The following NDRG3 variants were observed in gnomAD, a reference collection of about 807,000 sequenced individuals.
NDRG3 encodes NDRG family member 3, also known as protein NDRG3.
In NDRG3, 23 loss-of-function variants were observed where a neutral mutation model predicts 57.2. The ratio of observed to expected loss-of-function variants is 0.40; its 90% CI spans 0.29 to 0.57. The LOEUF (loss-of-function observed/expected upper bound fraction) is 0.57, where lower values mean the gene tolerates loss of function less well. Among genes scored for constraint, NDRG3 ranks in the 20% least tolerant of loss-of-function variants. The probability of loss-of-function intolerance (pLI) is 0.42; values close to 1 mark genes in which losing one functional copy is unlikely to be tolerated. For synonymous variants in NDRG3, 132 were observed against 162.6 expected (o/e 0.81, Z 1.43); for missense variants, 384 against 457.3 (o/e 0.84, Z 1.46).
At chr20:36,744,448 T>TGG (rs756780562) in intron 1 of NDRG3, among the ~76,000 whole-genome samples, 14 of 152,102 alleles carry the variant, frequency 9.2e-5, no homozygotes, top group Admixed American at 2.0e-4. Context: ...GCCAGGCATC[T>TGG]GGAGCTGCAA....
At chr20:36,688,154 T>C (rs577281813) in intron 4 of NDRG3, among the ~76,000 whole-genome samples, 1 of 152,368 alleles carries the variant, frequency 6.6e-6, no homozygotes, top group East Asian at 1.9e-4. Flanking sequence ...AACTGTGGCC[T>C]CAAATGCAGG....
At chr20:36,657,345 G>T (rs947973402) in intron 13 of NDRG3, among the ~76,000 whole-genome samples, 2 of 151,974 alleles carry the variant, frequency 1.3e-5, no homozygotes, top group Non-Finnish European at 2.9e-5. Context: ...AAAATTAGCC[G>T]GGCGTGGTGG....
chr20:36,658,583 G>A (rs990175816), intron 13 of NDRG3, among the ~76,000 whole-genome samples: 2 of 152,210 alleles, frequency 1.3e-5, no homozygotes, highest in Admixed American at 6.5e-5. Context: ...AGATGGCAGA[G>A]GTCTTTCAGA....
At chr20:36,668,832 A>T in intron 9 of NDRG3, among the ~76,000 whole-genome samples, 1 of 150,456 alleles carries the variant, frequency 6.6e-6, no homozygotes, top group East Asian at 1.9e-4. Flanking sequence ...TAGCGAGAGA[A>T]ATATATATAT....
At chr20:36,676,096 C>T (rs892961132) in intron 8 of NDRG3, among the ~76,000 whole-genome samples, 3 of 151,608 alleles carry the variant, frequency 2.0e-5, no homozygotes, top group Admixed American at 6.6e-5. Flanking sequence ...AAAAATTAGC[C>T]GGGCTTGGTG....
chr20:36,713,129 T>C (rs1984022802), intron 2 of NDRG3, among the ~76,000 whole-genome samples: 1 of 152,166 alleles, frequency 6.6e-6, no homozygotes, highest in Non-Finnish European at 1.5e-5. Context: ...ATTAATTCCA[T>C]ATTCAGAGAA....
rs141633900 is a variant in NDRG3 at position 36,743,363 on chromosome 20, G to A, written c.-49+2682C>T. Reference sequence around the variant, plus strand: ...ACAAAAAATAGCTGGGCATGGTGGCGGGCGCCTGTAATTCCAGCTACTTGG... The same window carrying A: ...ACAAAAAATAGCTGGGCATGGTGGCAGGCGCCTGTAATTCCAGCTACTTGG... On this transcript the variant is annotated intron_variant, in intron 1 of 15. Coordinates refer to ENST00000349004, the MANE Select transcript of NDRG3 (RefSeq NM_032013.4). Among the ~76,000 whole-genome samples the A allele has an allele frequency of 4.6e-3, 700 of 152,142 alleles. 4 individuals are homozygous for A. The highest frequency in any genetic ancestry group is 0.016 in the African/African-American group (668 of 41,486).
intron 2 of NDRG3, among the ~76,000 whole-genome samples, chr20:36,718,053 C>G (rs1984376582): frequency 6.6e-6 from 1 of 152,226 alleles, no homozygotes; most frequent in Non-Finnish European, 1.5e-5. Context: ...TTCGTTTACT[C>G]ACTGGCAATG....
chr20:36,680,716 C>T (rs1259781210), intron 8 of NDRG3, 100 bp downstream of exon 8: 23 of 819,000 alleles, frequency 2.8e-5, no homozygotes, highest in Non-Finnish European at 4.4e-5. Flanking sequence ...ATATACTTAA[C>T]ATTTTTACCC....
chr20:36,653,497 T>C lies in NDRG3; in HGVS notation c.*23A>G, dbSNP rs769413207. The C allele has an allele frequency of 4.6e-5, 73 of 1,603,390 alleles. No individual in the cohort carries two copies. The highest frequency in any genetic ancestry group is 1.4e-4 in the Admixed American group (8 of 59,238). On this transcript the variant is annotated 3_prime_UTR_variant, in exon 16 of 16. Transcript: ENST00000349004. The surrounding 1 kb of genome is among the most constrained non-coding windows in gnomAD (Gnocchi z 4.2). ...GGTCATTTGAAGGATGGACTTGCAA[T>C]GGTCCAGGGGAGGAGCATCTGCTTA...
At chr20:36,696,130 CT>C (rs1389622183) in intron 3 of NDRG3, among the ~76,000 whole-genome samples, 1 of 152,140 alleles carries the variant, frequency 6.6e-6, no homozygotes, top group Admixed American at 6.6e-5. Context: ...GAGTTTCACT[CT>C]TGTTGCCCAG....
At chr20:36,715,810 G>C (rs1287729598) in intron 2 of NDRG3, among the ~76,000 whole-genome samples, 1 of 151,148 alleles carries the variant, frequency 6.6e-6, no homozygotes, top group Non-Finnish European at 1.5e-5. Flanking sequence ...TAACCTGGAT[G>C]ACAGAGACCC....
At chr20:36,734,670 C>T (rs190516619) in intron 1 of NDRG3, among the ~76,000 whole-genome samples, 129 of 152,106 alleles carry the variant, frequency 8.5e-4, no homozygotes, top group African/African-American at 2.8e-3. Flanking sequence ...ACATTTTAGG[C>T]CAGATGATTT....
intron 9 of NDRG3, 98 bp from the exon 10 acceptor site, chr20:36,666,490 G>A (rs980138065): frequency 2.7e-5 from 22 of 817,522 alleles, no homozygotes; most frequent in Middle Eastern, 2.3e-4. Flanking sequence ...CAAATCGTGC[G>A]GCTCATGATG....
At chr20:36,663,100 A>C (rs1824031911) in intron 12 of NDRG3, among the ~76,000 whole-genome samples, 1 of 152,224 alleles carries the variant, frequency 6.6e-6, no homozygotes, top group South Asian at 2.1e-4. Context: ...ACTGACCTTT[A>C]TAAAGTTGCT....
chr20:36,706,713 G>A (rs1475987400), intron 3 of NDRG3, among the ~76,000 whole-genome samples: 2 of 152,102 alleles, frequency 1.3e-5, no homozygotes, highest in African/African-American at 4.8e-5. Context: ...ATGTTGGCCG[G>A]TATGGTCTCA....
chr20:36,745,372 T>C (rs1428212485), intron 1 of NDRG3, among the ~76,000 whole-genome samples: 1 of 152,056 alleles, frequency 6.6e-6, no homozygotes, highest in East Asian at 1.9e-4. Flanking sequence ...AGATGACAAG[T>C]GATTTCAAAA....
rs149069425 is a variant in NDRG3, at chr20:36,727,143, T to C, written c.-48-5360A>G. Among the ~76,000 whole-genome samples the C allele has an allele frequency of 8.5e-5, 13 of 152,318 alleles. No individual in the cohort carries two copies. In the East Asian group the frequency reaches 2.5e-3, roughly 29 times the overall value. On this transcript the variant is annotated intron_variant, in intron 1 of 15. Transcript: ENST00000349004. The stretch of plus-strand genomic sequence containing the variant: ...GTTAGCAAGGCTGGTCTCAAACTCC[T>C]GCCCTCAAGTAATCTGCCAGCTTCA...
intron 3 of NDRG3, among the ~76,000 whole-genome samples, chr20:36,701,664 C>T (rs565345808): frequency 6.6e-6 from 1 of 150,922 alleles, no homozygotes; most frequent in Admixed American, 6.6e-5. Flanking sequence ...TTTCCTGCCT[C>T]AGCCTACTGA....
Sources: allele counts gnomAD v4.1 joint callset (sites outside exome capture counted in the v4.1 genomes callset), GRCh38; gene constraint gnomAD v4.1.1; non-coding constraint Gnocchi (gnomAD v3.1); transcripts MANE v1.5; gene names NCBI Gene and HGNC (gene_info 2026-07-23, HGNC 2026-07-21).